Variants in TUBGCP3 observed in about 807,000 individuals in gnomAD.
TUBGCP3 encodes the protein tubulin gamma complex component 3.
In TUBGCP3, 50 loss-of-function variants were observed where a neutral mutation model predicts 123.1. That is an observed-to-expected ratio of 0.41 (90% confidence interval 0.32 to 0.51). The LOEUF (loss-of-function observed/expected upper bound fraction) is 0.51. Ranked by LOEUF, TUBGCP3 falls within the 20% of genes least tolerant of loss-of-function variation. TUBGCP3 has a pLI of 0.36. For missense variants in TUBGCP3, 882 were observed against 1,127.0 expected, an observed-to-expected ratio of 0.78 and a Z score of 3.11; for synonymous variants, 405 against 413.9, an observed-to-expected ratio of 0.98 and a Z score of 0.26.
chr13:112,588,086 C>T lies in TUBGCP3; in HGVS notation c.-106G>A. The T allele has an allele frequency of 2.9e-6, 3 of 1,035,308 alleles. No homozygotes were observed. Among genetic ancestry groups the T allele is most frequent in the Non-Finnish European group, 2.6e-6 (2 of 783,602 alleles). The allele number at this position is 1,035,308 out of a possible 1,614,324, so 64.1% of individuals were successfully genotyped here. A position where few individuals can be genotyped will look rare whatever the true frequency, so the allele number is the denominator to read the frequency against. On this transcript the variant is annotated 5_prime_UTR_variant, in exon 1 of 22. Coordinates refer to ENST00000261965, the MANE Select transcript of TUBGCP3 (RefSeq NM_006322.6). ...CCTGCGCCCCGCAAGCTCCCTGCTC[C>T]TGACAGGCTAAGGCGCGGGCGCCGC...
At chr13:112,556,942 A>AGCT (rs761927653) in intron 5 of TUBGCP3, among the ~76,000 whole-genome samples, 7 of 152,222 alleles carry the variant, frequency 4.6e-5, no homozygotes, top group Non-Finnish European at 7.3e-5. Context: ...TGAGAACCTC[A>AGCT]GCTGCTCTAC....
At chr13:112,560,969 C>A (rs978062347) in intron 3 of TUBGCP3, among the ~76,000 whole-genome samples, 4 of 149,710 alleles carry the variant, frequency 2.7e-5, no homozygotes, top group Non-Finnish European at 4.5e-5. Flanking sequence ...GAGGGAGGGA[C>A]AGGAACAGTG....
At chr13:112,529,091 G>A (rs957305695) in intron 11 of TUBGCP3, among the ~76,000 whole-genome samples, 1 of 151,892 alleles carries the variant, frequency 6.6e-6, no homozygotes, top group African/African-American at 2.4e-5. Context: ...GAGCTCAAGC[G>A]ATCTGCCTGC....
chr13:112,509,606 A>G (rs1446488545), intron 17 of TUBGCP3, among the ~76,000 whole-genome samples: 1 of 152,242 alleles, frequency 6.6e-6, no homozygotes, highest in African/African-American at 2.4e-5. Context: ...TATTGTGTCT[A>G]CAATGAGTAC....
intron 3 of TUBGCP3, among the ~76,000 whole-genome samples, chr13:112,559,877 G>A (rs1226011793): frequency 6.6e-6 from 1 of 152,208 alleles, no homozygotes; most frequent in African/African-American, 2.4e-5. Context: ...GCTCACGCCT[G>A]TAATCCCAGC....
chr13:112,589,191 G>A (rs908336011), upstream of TUBGCP3, among the ~76,000 whole-genome samples: 13 of 152,188 alleles, frequency 8.5e-5, no homozygotes, highest in African/African-American at 3.1e-4. Context: ...AACACGATCA[G>A]TTAGTAACTG....
At chr13:112,555,475 T>A (rs911036446) in intron 6 of TUBGCP3, among the ~76,000 whole-genome samples, 6 of 152,230 alleles carry the variant, frequency 3.9e-5, no homozygotes, top group African/African-American at 1.4e-4. Context: ...AGGACACTCA[T>A]GTTTCAAATG....
intron 14 of TUBGCP3, chr13:112,521,952 A>G (rs1446524850): frequency 5.6e-6 from 3 of 535,380 alleles, no homozygotes; most frequent in Non-Finnish European, 7.2e-6. Flanking sequence ...CTACAAATAT[A>G]AAAGTAAAAT....
chr13:112,555,839 C>T (rs941046075), intron 6 of TUBGCP3, among the ~76,000 whole-genome samples: 1 of 152,142 alleles, frequency 6.6e-6, no homozygotes, highest in African/African-American at 2.4e-5. Flanking sequence ...AAAAAGCAGA[C>T]TGTGCTGGGA....
intron 19 of TUBGCP3, 44 bp from the exon 20 acceptor site, chr13:112,499,229 T>C (rs750179283): frequency 4.5e-6 from 7 of 1,548,406 alleles, no homozygotes; most frequent in South Asian, 3.6e-5. Flanking sequence ...CTCAACCAGC[T>C]AAGTTTCTTA....
intron 1 of TUBGCP3, among the ~76,000 whole-genome samples, chr13:112,578,352 G>A (rs1428367947): frequency 1.3e-5 from 2 of 151,464 alleles, no homozygotes; most frequent in South Asian, 2.1e-4. Context: ...GAGGTCAGGA[G>A]ATCGAGACCA....
chr13:112,586,999 G>C (rs934561511), intron 1 of TUBGCP3, among the ~76,000 whole-genome samples: 5 of 152,120 alleles, frequency 3.3e-5, no homozygotes, highest in Non-Finnish European at 7.4e-5. Context: ...AGGTCAAAAT[G>C]CATTCTCAGT....
intron 17 of TUBGCP3, among the ~76,000 whole-genome samples, chr13:112,512,742 A>T (rs139527164): frequency 2.0e-5 from 3 of 152,328 alleles, no homozygotes; most frequent in African/African-American, 7.2e-5. Flanking sequence ...CTCAAAAAAA[A>T]GGTAAACGTA....
intron 20 of TUBGCP3, among the ~76,000 whole-genome samples, chr13:112,496,845 G>C (rs997304678): frequency 2.0e-5 from 3 of 152,170 alleles, no homozygotes; most frequent in Admixed American, 6.5e-5. Flanking sequence ...AATTAGCCGG[G>C]CATGGTGGCA....
chr13:112,584,472 G>A (rs1394819306), intron 1 of TUBGCP3, among the ~76,000 whole-genome samples: 4 of 152,056 alleles, frequency 2.6e-5, no homozygotes, highest in African/African-American at 9.7e-5. Flanking sequence ...TATAACCAAA[G>A]GAAGATCACA....
chr13:112,581,001 A>G (rs1387146634), intron 1 of TUBGCP3, among the ~76,000 whole-genome samples: 1 of 150,678 alleles, frequency 6.6e-6, no homozygotes, highest in African/African-American at 2.5e-5. Flanking sequence ...TGATCCTCTT[A>G]AAATATAAAT....
At chr13:112,516,596 AAGTTG>A (rs1594131829) in intron 16 of TUBGCP3, 21 bp from the exon 17 acceptor site, 5 of 1,609,176 alleles carry the variant, frequency 3.1e-6, no homozygotes, top group Non-Finnish European at 4.2e-6. Flanking sequence ...AGCAGAAGAC[AAGTTG>A]ATAGTATTCC....
intron 5 of TUBGCP3, among the ~76,000 whole-genome samples, 200 bp from the exon 6 acceptor site, chr13:112,556,424 C>T (rs947730239): frequency 1.3e-5 from 2 of 152,134 alleles, no homozygotes; most frequent in African/African-American, 2.4e-5. Context: ...AGCCTCCTTG[C>T]GACCCTTGGC....
At position 112,548,184 on chromosome 13, in the gene TUBGCP3, G is replaced by A; in HGVS notation, c.967-8C>T. On this transcript the variant is annotated splice_polypyrimidine_tract_variant and splice_region_variant and intron_variant, in intron 8 of 21. Coordinates refer to ENST00000261965, the MANE Select transcript of TUBGCP3 (RefSeq NM_006322.6). ...CAAGGCAGCACAAAAGCTCTGTTTG[G>A]AGGAGAAATATAATTAAAGCACGAC... 1 of 1,595,968 alleles carries A rather than the reference G, an allele frequency of 6.3e-7. No homozygotes were observed. The highest frequency in any genetic ancestry group is 8.6e-7 in the Non-Finnish European group (1 of 1,168,910).
Sources: allele counts gnomAD v4.1 joint callset (sites outside exome capture counted in the v4.1 genomes callset), GRCh38; gene constraint gnomAD v4.1.1; transcripts MANE v1.5; gene names NCBI Gene and HGNC (gene_info 2026-07-23, HGNC 2026-07-21).